Variants in ZSCAN25 observed in about 807,000 individuals in gnomAD.
ZSCAN25 encodes the protein zinc finger and SCAN domain containing 25, also known as zinc finger and SCAN domain-containing protein 25.
In ZSCAN25, 27 loss-of-function variants were observed where a neutral mutation model predicts 38.7. The observed-to-expected ratio is 0.70, with a 90% CI of 0.51 to 0.96. The LOEUF (loss-of-function observed/expected upper bound fraction) is 0.96, where lower values mean the gene tolerates loss of function less well. Among genes scored for constraint, ZSCAN25 ranks in the 40% least tolerant of loss-of-function variants. ZSCAN25 has a pLI of 0.00. For synonymous variants in ZSCAN25, 273 were observed against 277.7 expected (o/e 0.98, Z 0.17); for missense variants, 637 against 705.9 (o/e 0.90, Z 1.11).
At chr7:99,668,783 T>G in the ZSCAN25 span, among the ~76,000 whole-genome samples, 1 of 152,236 alleles carries the variant, frequency 6.6e-6, no homozygotes. Context: ...CTGTCGCCAT[T>G]TGTACGCATG....
chr7:99,687,857 G>T, the ZSCAN25 span, among the ~76,000 whole-genome samples: 123 of 152,308 alleles, frequency 8.1e-4, 5 homozygotes, highest in South Asian at 0.025. Flanking sequence ...AGAGAGTGGG[G>T]ACCAATATTC....
At chr7:99,657,793 A>G in the ZSCAN25 span, among the ~76,000 whole-genome samples, 44 of 152,268 alleles carry the variant, frequency 2.9e-4, no homozygotes, top group East Asian at 8.1e-3. Flanking sequence ...TATATTTAGG[A>G]TAGTTAGCTC....
At chr7:99,720,406 A>G in the ZSCAN25 span, 46 of 1,613,510 alleles carry the variant, frequency 2.9e-5, no homozygotes, top group Admixed American at 7.5e-4. Flanking sequence ...GTTGACAGTC[A>G]TAAATACTGT....
chr7:99,631,497 A>G lies in ZSCAN25; in HGVS notation c.*1477A>G. On this transcript the variant is annotated 3_prime_UTR_variant, in exon 8 of 8. Coordinates refer to ENST00000394152, the MANE Select transcript of ZSCAN25 (RefSeq NM_145115.3). ...ACTAGCGTGGACTGACTGCTGTGTCATTGTGCTGTGCCTTTGAACCCTGGC... is the reference window on the plus strand; with the variant it reads ...ACTAGCGTGGACTGACTGCTGTGTCGTTGTGCTGTGCCTTTGAACCCTGGC... 1 of 985,510 alleles carries G rather than the reference A, an allele frequency of 1.0e-6. No homozygotes were observed. Among genetic ancestry groups the G allele is most frequent in the Middle Eastern group, 5.2e-4 (1 of 1,914 alleles). 61.0% of individuals were successfully genotyped at this position (985,510 alleles called of 1,614,324 possible).
At chr7:99,618,778 G>A (rs1172165372) in intron 2 of ZSCAN25, 127 bp downstream of exon 2, 3 of 152,204 alleles carry the variant, frequency 2.0e-5, no homozygotes, top group African/African-American at 4.8e-5. Context: ...AATTCTTTCT[G>A]TGGCGCAGGC....
chr7:99,703,153 C>A, the ZSCAN25 span, among the ~76,000 whole-genome samples: 1 of 152,154 alleles, frequency 6.6e-6, no homozygotes, highest in Non-Finnish European at 1.5e-5. Context: ...TTGGTGGAGT[C>A]TTTAGGTTTT....
downstream of ZSCAN25, among the ~76,000 whole-genome samples, chr7:99,635,424 T>A (rs1490044731): frequency 6.6e-6 from 1 of 152,248 alleles, no homozygotes; most frequent in Non-Finnish European, 1.5e-5. Context: ...TTCTGCAGGC[T>A]ATAATTACCT....
At chr7:99,727,988 AC>A in the ZSCAN25 span, among the ~76,000 whole-genome samples, 3 of 152,202 alleles carry the variant, frequency 2.0e-5, no homozygotes, top group Non-Finnish European at 4.4e-5. Flanking sequence ...AGGGCCTCAG[AC>A]CCCATTGCTC....
chr7:99,729,253 T>C, the ZSCAN25 span, among the ~76,000 whole-genome samples: 1 of 152,192 alleles, frequency 6.6e-6, no homozygotes, highest in South Asian at 2.1e-4. Context: ...CCAATTATTC[T>C]ATACAACAAA....
At chr7:99,619,491 TG>T in intron 3 of ZSCAN25, 69 bp from the exon 4 acceptor site, 2 of 1,231,762 alleles carry the variant, frequency 1.6e-6, no homozygotes, top group South Asian at 1.5e-5. Context: ...TGTTCTCCAG[TG>T]GAATATTCCT....
chr7:99,644,034 A>C, the ZSCAN25 span, among the ~76,000 whole-genome samples: 3 of 152,044 alleles, frequency 2.0e-5, no homozygotes. Flanking sequence ...AGGATCAAGG[A>C]GACAAAGGGA....
At chr7:99,638,540 A>G in the ZSCAN25 span, 2 of 1,520,190 alleles carry the variant, frequency 1.3e-6, no homozygotes, top group Non-Finnish European at 1.8e-6. Flanking sequence ...CAGTGTAGTT[A>G]TGCCGCGAGA....
the ZSCAN25 span, among the ~76,000 whole-genome samples, chr7:99,670,442 C>T: frequency 2.0e-5 from 3 of 152,170 alleles, no homozygotes; most frequent in East Asian, 3.8e-4. Flanking sequence ...GCCAAAAATA[C>T]GCAGCCTTGC....
chr7:99,735,216 A>G, the ZSCAN25 span: 1 of 1,319,524 alleles, frequency 7.6e-7, no homozygotes, highest in Non-Finnish European at 1.1e-6. Context: ...AGGCTGTTGG[A>G]TTGTTTATAT....
At chr7:99,635,988 A>G (rs1808265372), downstream of ZSCAN25, among the ~76,000 whole-genome samples, 1 of 143,396 alleles carries the variant, frequency 7.0e-6, no homozygotes, top group Non-Finnish European at 1.5e-5. Flanking sequence ...CAGAGCTTGC[A>G]GTGAGTGGAG....
chr7:99,659,993 C>A, the ZSCAN25 span: 1 of 158,864 alleles, frequency 6.3e-6, no homozygotes, highest in East Asian at 1.9e-4. Flanking sequence ...AAAGGGAATT[C>A]CCTGACCCCT....
the ZSCAN25 span, among the ~76,000 whole-genome samples, chr7:99,701,424 A>G: frequency 1.3e-5 from 2 of 152,230 alleles, no homozygotes; most frequent in Non-Finnish European, 2.9e-5. Flanking sequence ...ATGGGAATGA[A>G]GATATCTCTT....
the ZSCAN25 span, among the ~76,000 whole-genome samples, chr7:99,735,704 C>T: frequency 6.6e-6 from 1 of 152,208 alleles, no homozygotes; most frequent in African/African-American, 2.4e-5. Context: ...CCCCTTCATG[C>T]AGTTCTATTG....
the ZSCAN25 span, chr7:99,638,899 A>G: frequency 3.8e-5 from 21 of 553,652 alleles, no homozygotes; most frequent in Middle Eastern, 3.1e-4. Flanking sequence ...TCCTAAGGGC[A>G]GAGGCCCAGG....
Sources: gnomAD v4.1 joint callset for allele counts (sites outside exome capture counted in the v4.1 genomes callset) on GRCh38, gnomAD v4.1.1 for gene constraint, MANE v1.5 for transcripts, NCBI Gene and HGNC (gene_info 2026-07-23, HGNC 2026-07-21) for gene names.